Variants in CAPZA1 observed in about 807,000 individuals in gnomAD.
The protein encoded by CAPZA1 is F-actin-capping protein subunit alpha-1.
A neutral mutation model predicts 40.8 loss-of-function variants in CAPZA1; 10 were observed. That is an observed-to-expected ratio of 0.25 (90% CI 0.15 to 0.42). CAPZA1 has a LOEUF of 0.42. CAPZA1 is among the 10% of genes least tolerant of loss of function. The pLI is 1.00. For missense variants in CAPZA1, 277 were observed against 353.8 expected (o/e 0.78, Z 1.74); for synonymous variants, 98 against 115.0 (o/e 0.85, Z 0.95).
rs1190278316 is a variant in CAPZA1, at chr1:112,623,681, C to CA, written c.39+3813dup. On this transcript the variant is annotated intron_variant, in intron 1 of 9. Transcript: ENST00000263168. The stretch of plus-strand genomic sequence containing the variant: ...GGGCAACAGGAGCGAAACTCCGTCT[C>CA]AAAAAAAAAAAAAAAGAAAAGAAAG... 7.7e-3 allele frequency among the ~76,000 whole-genome samples: 674 copies of CA among 87,702 alleles called. 4 individuals are homozygous for CA. The highest frequency in any genetic ancestry group is 0.012 in the East Asian group (37 of 3,040). The allele number at this position is 87,702 out of a possible 152,430, so 57.5% of individuals were successfully genotyped here.
intron 1 of CAPZA1, among the ~76,000 whole-genome samples, chr1:112,628,533 C>T (rs1670858840): frequency 6.6e-6 from 1 of 152,080 alleles, no homozygotes; most frequent in Non-Finnish European, 1.5e-5. Flanking sequence ...AGAATTAGAA[C>T]AAAGGAAGTT....
intron 1 of CAPZA1, among the ~76,000 whole-genome samples, chr1:112,637,814 G>A (rs980398147): frequency 1.3e-5 from 2 of 152,090 alleles, no homozygotes; most frequent in Admixed American, 6.6e-5. Context: ...AACAAAAAAA[G>A]AATAATCATA....
chr1:112,655,338 G>A (rs929712949), intron 5 of CAPZA1, among the ~76,000 whole-genome samples: 14 of 152,080 alleles, frequency 9.2e-5, no homozygotes, highest in African/African-American at 3.4e-4. Context: ...GTAGCTGGAT[G>A]TGGTGGTGCA....
rs747518689 is a variant in CAPZA1 at position 112,659,715 on chromosome 1, G to A, written c.521G>A (p.Arg174Lys). The A allele has an allele frequency of 3.7e-6, 6 of 1,612,940 alleles. No individual in the cohort carries two copies. The highest frequency in any genetic ancestry group is 5.1e-6 in the Non-Finnish European group (6 of 1,179,754). ...QPKNFWNGRW[R>K]SEWKFTITPP... ...TGTTTTAATAGGAATGGTCGTTGGA[G>A]ATCAGAGTGGAAGTTCACCATCACA... Residue 174 changes from arginine (R) to lysine (K), a missense_variant, in exon 7 of 10, where the codon AGA (arginine) becomes AAA (lysine). This residue lies in a region of CAPZA1 where 192 missense variants were observed against 277.2 expected (regional missense o/e 0.69). Transcript: ENST00000263168.
At chr1:112,654,089 A>G (rs1671451923) in intron 4 of CAPZA1, among the ~76,000 whole-genome samples, 2 of 152,186 alleles carry the variant, frequency 1.3e-5, no homozygotes, top group Admixed American at 1.3e-4. Flanking sequence ...ATGTGAATGT[A>G]TTACCTATTT....
At chr1:112,651,758 G>T (rs1671391157) in intron 3 of CAPZA1, among the ~76,000 whole-genome samples, 1 of 151,854 alleles carries the variant, frequency 6.6e-6, no homozygotes, top group Admixed American at 6.6e-5. Flanking sequence ...CCTTTCTGAA[G>T]AGCTAATGTG....
chr1:112,651,888 G>A (rs1262974788), intron 3 of CAPZA1, among the ~76,000 whole-genome samples: 2 of 152,038 alleles, frequency 1.3e-5, no homozygotes, highest in South Asian at 4.2e-4. Context: ...GGCCAAAGTG[G>A]GTGGATCACC....
intron 1 of CAPZA1, among the ~76,000 whole-genome samples, chr1:112,638,938 G>A (rs984448360): frequency 2.6e-4 from 20 of 77,980 alleles, no homozygotes; most frequent in African/African-American, 8.6e-4. Flanking sequence ...ATAGATATAG[G>A]TATAGATATA....
At position 112,645,994 on chromosome 1, in the gene CAPZA1, G is replaced by A. The variant is rs902100593; in HGVS notation, c.40-1216G>A. Among the ~76,000 whole-genome samples, 18 of 151,854 alleles carry A rather than the reference G, an allele frequency of 1.2e-4. No individual in the cohort carries two copies. The South Asian group carries it at 3.3e-3, about 28-fold the overall frequency. On this transcript the variant is annotated intron_variant, in intron 1 of 9. Transcript: ENST00000263168. The stretch of plus-strand genomic sequence containing the variant: ...AAAAAAAAATGGAGCAGGAAAATGG[G>A]CACAGACGAAGAGCATATTAATGGA...
At chr1:112,642,573 C>G (rs1178656207) in intron 1 of CAPZA1, among the ~76,000 whole-genome samples, 2 of 152,168 alleles carry the variant, frequency 1.3e-5, no homozygotes, top group Non-Finnish European at 2.9e-5. Context: ...TTGTGCCTCA[C>G]TCTGCATTTA....
At chr1:112,621,761 G>GTTTTTTT (rs11418884) in intron 1 of CAPZA1, among the ~76,000 whole-genome samples, 3 of 122,880 alleles carry the variant, frequency 2.4e-5, no homozygotes, top group Non-Finnish European at 3.3e-5. Flanking sequence ...TTGGGTTATG[G>GTTTTTTT]TTTTTTTTTT....
At chr1:112,624,860 T>A (rs1358027266) in intron 1 of CAPZA1, among the ~76,000 whole-genome samples, 3 of 152,150 alleles carry the variant, frequency 2.0e-5, no homozygotes. Context: ...CTTTAAAAAT[T>A]GAAACACAAA....
At chr1:112,649,268 CTTT>C (rs1671341046) in intron 2 of CAPZA1, 147 bp from the exon 3 acceptor site, 1 of 617,474 alleles carries the variant, frequency 1.6e-6, no homozygotes, top group African/African-American at 1.8e-5. Flanking sequence ...ACATTAGCAT[CTTT>C]TTATTTGCAT....
chr1:112,656,573 T>A (rs1460545099), intron 5 of CAPZA1, among the ~76,000 whole-genome samples: 1 of 151,178 alleles, frequency 6.6e-6, no homozygotes, highest in East Asian at 2.0e-4. Flanking sequence ...ATTGACTGTT[T>A]AATCCTAAAT....
chr1:112,632,661 A>G (rs879870546), intron 1 of CAPZA1, among the ~76,000 whole-genome samples: 1 of 152,202 alleles, frequency 6.6e-6, no homozygotes, highest in Non-Finnish European at 1.5e-5. Flanking sequence ...TGAGATGTAC[A>G]TAATTGCTTT....
At chr1:112,641,615 C>T (rs1190556589) in intron 1 of CAPZA1, among the ~76,000 whole-genome samples, 1 of 151,840 alleles carries the variant, frequency 6.6e-6, no homozygotes, top group Non-Finnish European at 1.5e-5. Context: ...TGAGGCCGGG[C>T]GCAGTGGCTC....
At chr1:112,655,195 A>G (rs146911095) in intron 5 of CAPZA1, among the ~76,000 whole-genome samples, 6 of 152,298 alleles carry the variant, frequency 3.9e-5, no homozygotes, top group African/African-American at 4.8e-5. Flanking sequence ...GAACTAAACA[A>G]TTGGCTGGAC....
intron 9 of CAPZA1, 71 bp from the exon 10 acceptor site, chr1:112,669,921 T>C (rs2101196030): frequency 6.5e-7 from 1 of 1,543,550 alleles, no homozygotes; most frequent in East Asian, 2.2e-5. Context: ...CCATTGACTA[T>C]AGCATTACTT....
chr1:112,658,875 A>G (rs1671546567), intron 5 of CAPZA1, 147 bp from the exon 6 acceptor site: 1 of 613,028 alleles, frequency 1.6e-6, no homozygotes, highest in East Asian at 2.7e-5. Context: ...CTTTGTTTTC[A>G]TATCCCATGT....
Sources: gnomAD v4.1 joint callset for allele counts (sites outside exome capture counted in the v4.1 genomes callset) on GRCh38, gnomAD v4.1.1 for gene constraint, gnomAD v4.1.1 regional missense constraint, MANE v1.5 for transcripts, NCBI Gene and HGNC (gene_info 2026-07-23, HGNC 2026-07-21) for gene names.